ASB9: variants seen among roughly 807,000 people sequenced by gnomAD.
ASB9 encodes the protein ankyrin repeat and SOCS box protein 9.
ASB9 carries 5 observed loss-of-function variants against 16.6 expected under a neutral mutation model. The observed-to-expected ratio is 0.30, with a 90% CI of 0.16 to 0.63. The LOEUF (loss-of-function observed/expected upper bound fraction) is 0.63. ASB9 is among the 30% of genes least tolerant of loss of function. The pLI, the probability that ASB9 is intolerant of heterozygous loss-of-function variation, is 0.82. For missense variants in ASB9, 216 were observed against 229.4 expected (o/e 0.94, Z 0.38); for synonymous variants, 100 against 86.4 (o/e 1.16, Z -0.87).
intron 6 of ASB9, 54 bp from the exon 7 acceptor site, chrX:15,244,684 C>CT (rs1339829538): frequency 1.7e-5 from 16 of 915,422 alleles, no homozygotes; most frequent in Non-Finnish European, 2.0e-5. Flanking sequence ...TCTAAGACTC[C>CT]TTTTTTTTAA....
chrX:15,256,148 A>C (rs1044179498), intron 2 of ASB9, among the ~76,000 whole-genome samples: 5 of 110,461 alleles, frequency 4.5e-5, no homozygotes, highest in Admixed American at 3.9e-4. Context: ...ATTTTGTGAC[A>C]CGTGAAAATT....
At chrX:15,254,984 TAAAA>T (rs35149491) in intron 2 of ASB9, 140 bp from the exon 3 acceptor site, 1 of 265,790 alleles carries the variant, frequency 3.8e-6, no homozygotes, top group Non-Finnish European at 6.8e-6. Flanking sequence ...ATATTGACTT[TAAAA>T]AAAAAAAAAT....
intron 3 of ASB9, among the ~76,000 whole-genome samples, chrX:15,254,223 A>G (rs113567712): frequency 3.6e-5 from 4 of 112,276 alleles, no homozygotes; most frequent in African/African-American, 1.3e-4. Context: ...ATTGCTCACT[A>G]TCATTTCTGG....
At chrX:15,256,125 A>C (rs1303563740) in intron 2 of ASB9, among the ~76,000 whole-genome samples, 2 of 110,729 alleles carry the variant, frequency 1.8e-5, no homozygotes, top group Admixed American at 1.9e-4. Context: ...GGTTTAAAAG[A>C]AATCAAAGGA....
chrX:15,255,113 A>G (rs766250026), intron 2 of ASB9, among the ~76,000 whole-genome samples: 3 of 111,998 alleles, frequency 2.7e-5, no homozygotes, highest in African/African-American at 9.7e-5. Context: ...ACTCTTAGGT[A>G]TATATACATC....
chrX:15,253,667 G>T (rs1011587197), intron 3 of ASB9, among the ~76,000 whole-genome samples: 1 of 112,055 alleles, frequency 8.9e-6, no homozygotes, highest in Non-Finnish European at 1.9e-5. Context: ...TATAATCTTT[G>T]AGGCTATCTT....
chrX:15,246,221 CAG>C (rs1317839157), intron 6 of ASB9, among the ~76,000 whole-genome samples: 2 of 111,706 alleles, frequency 1.8e-5, no homozygotes, highest in African/African-American at 6.5e-5. Flanking sequence ...ACAGGAAACT[CAG>C]TGTATTAATA....
At chrX:15,250,637 T>C in intron 4 of ASB9, 73 bp from the exon 5 acceptor site, 1 of 1,040,910 alleles carries the variant, frequency 9.6e-7, no homozygotes, top group Non-Finnish European at 1.3e-6. Flanking sequence ...GCCATCCCCA[T>C]TTTGCATTAA....
In ASB9 at chrX:15,244,475, C is replaced by A. The variant is rs371063369; in HGVS notation, c.*31G>T. On this transcript the variant is annotated 3_prime_UTR_variant, in exon 7 of 7. Coordinates refer to ENST00000380488, the MANE Select transcript of ASB9 (RefSeq NM_001031739.3). ...GCTACAACACTCAATAATGTTTTCA[C>A]ATCGTTTGTGAATCCATTCCCTAGA... The A allele has an allele frequency of 6.9e-5, 81 of 1,174,011 alleles. No individual in the cohort carries two copies. Among genetic ancestry groups the A allele is most frequent in the Non-Finnish European group, 8.3e-5 (72 of 864,244 alleles).
At chrX:15,249,853 A>T (rs1924957326) in intron 5 of ASB9, among the ~76,000 whole-genome samples, 1 of 111,798 alleles carries the variant, frequency 8.9e-6, no homozygotes, top group Non-Finnish European at 1.9e-5. Context: ...ATTCATTGGG[A>T]AACAGATTAC....
chrX:15,256,639 A>T (rs1348681700), intron 2 of ASB9, among the ~76,000 whole-genome samples: 1 of 103,804 alleles, frequency 9.6e-6, no homozygotes, highest in Non-Finnish European at 2.0e-5. Flanking sequence ...TAGCCGGGCG[A>T]GGTGGGGGAC....
At chrX:15,258,118 A>T (rs1481845726) in intron 2 of ASB9, among the ~76,000 whole-genome samples, 1 of 111,847 alleles carries the variant, frequency 8.9e-6, no homozygotes. Context: ...TTATTGAGTT[A>T]TGGGGTGGAC....
intron 1 of ASB9, among the ~76,000 whole-genome samples, chrX:15,262,161 A>G (rs1207855716): frequency 1.0e-5 from 1 of 100,154 alleles, no homozygotes; most frequent in Admixed American, 1.1e-4. Context: ...ATTCCATTGT[A>G]TGGATAAGCC....
chrX:15,268,200 C>T (rs1220746947), intron 1 of ASB9, among the ~76,000 whole-genome samples: 3 of 107,887 alleles, frequency 2.8e-5, no homozygotes, highest in Non-Finnish European at 5.8e-5. Flanking sequence ...GGTGTGGTGG[C>T]GGGCGCTTAT....
intron 1 of ASB9, among the ~76,000 whole-genome samples, chrX:15,265,803 A>AT (rs776249903): frequency 0.05 from 4,851 of 96,913 alleles, 278 homozygotes; most frequent in African/African-American, 0.14. Context: ...CACCCAGCTA[A>AT]TTTTTTTTTT....
At chrX:15,260,090 T>C (rs1245389578) in intron 1 of ASB9, among the ~76,000 whole-genome samples, 5 of 112,196 alleles carry the variant, frequency 4.5e-5, no homozygotes, top group East Asian at 2.8e-4. Flanking sequence ...TACCTCATCA[T>C]CATTGCTATT....
Position 15,244,740 on chromosome X carries a change from T to C in ASB9, c.761-110A>G, listed in dbSNP as rs755155910. On this transcript the variant is annotated intron_variant, in intron 6 of 6. Coordinates refer to ENST00000380488, the MANE Select transcript of ASB9 (RefSeq NM_001031739.3). The stretch of plus-strand genomic sequence containing the variant: ...AGAACATTGTTATAAGGAAATAATA[T>C]TGAACTATTTAAGACCATTTTCTGG... 4.0e-5 allele frequency: 35 copies of C among 869,820 alleles called. No homozygotes were observed. In the African/African-American group the frequency reaches 6.3e-4, roughly 16 times the overall value. The allele number at this position is 869,820 out of a possible 1,213,427, so 71.7% of individuals were successfully genotyped here.
At chrX:15,263,357 G>GTGC (rs1195289667) in intron 1 of ASB9, among the ~76,000 whole-genome samples, 1 of 111,202 alleles carries the variant, frequency 9.0e-6, no homozygotes, top group African/African-American at 3.3e-5. Context: ...AAGTATCTGG[G>GTGC]TGCTGTATTC....
At chrX:15,265,107 C>G (rs557632215) in intron 1 of ASB9, among the ~76,000 whole-genome samples, 17 of 112,344 alleles carry the variant, frequency 1.5e-4, no homozygotes, top group Middle Eastern at 9.3e-3. Context: ...TTGGTTGACT[C>G]TCAGCTCTTA....
Sources: allele counts gnomAD v4.1 joint callset (sites outside exome capture counted in the v4.1 genomes callset), GRCh38; gene constraint gnomAD v4.1.1; transcripts MANE v1.5; gene names NCBI Gene and HGNC (gene_info 2026-07-23, HGNC 2026-07-21).